Variants in TAFA1 observed in about 807,000 individuals in gnomAD.
TAFA1 encodes the protein chemokine-like protein TAFA-1.
In TAFA1, 4 loss-of-function variants were observed where a neutral mutation model predicts 18.5. That is an observed-to-expected ratio of 0.22 (90% CI 0.11 to 0.49). The LOEUF is 0.49. Ranked by LOEUF, TAFA1 falls within the 20% of genes least tolerant of loss-of-function variation. The pLI, the probability that TAFA1 is intolerant of heterozygous loss-of-function variation, is 0.98. For missense variants in TAFA1, 147 were observed against 169.0 expected (o/e 0.87, Z 0.72); for synonymous variants, 56 against 55.2 (o/e 1.01, Z -0.06).
At chr3:68,190,909 A>C (rs1384391922) in intron 2 of TAFA1, among the ~76,000 whole-genome samples, 1 of 151,866 alleles carries the variant, frequency 6.6e-6, no homozygotes, top group African/African-American at 2.4e-5. Flanking sequence ...ATCCATCCTG[A>C]GGCACAATTT....
At chr3:68,336,470 G>A (rs13340114) in intron 2 of TAFA1, among the ~76,000 whole-genome samples, 3,247 of 152,308 alleles carry the variant, frequency 0.021, 106 homozygotes, top group African/African-American at 0.067. Context: ...ATATCTATGT[G>A]AAATTTCCTC....
intron 2 of TAFA1, among the ~76,000 whole-genome samples, chr3:68,298,017 A>G (rs2068240503): frequency 6.6e-6 from 1 of 152,214 alleles, no homozygotes; most frequent in Non-Finnish European, 1.5e-5. Context: ...GAAGTAATAT[A>G]ACAGTGTTTC....
At chr3:68,383,916 A>G (rs262188) in intron 2 of TAFA1, among the ~76,000 whole-genome samples, 95,297 of 151,842 alleles carry the variant, frequency 0.63, 30,692 homozygotes, top group East Asian at 1. Context: ...GAGGATGTAT[A>G]TGTCCAGGAA....
At chr3:68,454,154 A>G (rs1399416056) in intron 3 of TAFA1, among the ~76,000 whole-genome samples, 1 of 152,218 alleles carries the variant, frequency 6.6e-6, no homozygotes, top group Non-Finnish European at 1.5e-5. Context: ...AGGAATTATA[A>G]AAGAATAGTG....
intron 3 of TAFA1, among the ~76,000 whole-genome samples, chr3:68,520,293 G>C (rs1053663725): frequency 1.4e-4 from 21 of 152,152 alleles, no homozygotes; most frequent in African/African-American, 4.8e-4. Flanking sequence ...ATAGATTTCA[G>C]CCTGCCACAG....
chr3:68,482,928 C>G (rs2072265410), intron 3 of TAFA1, among the ~76,000 whole-genome samples: 1 of 152,168 alleles, frequency 6.6e-6, no homozygotes, highest in Non-Finnish European at 1.5e-5. Flanking sequence ...TAAAGTTAGT[C>G]CTGTCCCTGG....
intron 2 of TAFA1, among the ~76,000 whole-genome samples, chr3:68,227,040 A>G (rs1262048603): frequency 6.6e-6 from 1 of 152,198 alleles, no homozygotes; most frequent in Non-Finnish European, 1.5e-5. Flanking sequence ...ATTTACTATT[A>G]TAAGGGAGCC....
intron 2 of TAFA1, among the ~76,000 whole-genome samples, chr3:68,347,865 A>AT (rs1476847111): frequency 6.6e-6 from 1 of 152,102 alleles, no homozygotes; most frequent in East Asian, 1.9e-4. Context: ...TCTCTGAGCC[A>AT]TTTTTCTCCT....
At chr3:68,146,184 G>A (rs1035132856) in intron 2 of TAFA1, among the ~76,000 whole-genome samples, 2 of 152,148 alleles carry the variant, frequency 1.3e-5, no homozygotes, top group African/African-American at 4.8e-5. Context: ...TGACTGCCTT[G>A]GAATCCTGTC....
chr3:68,278,791 G>A (rs565473650), intron 2 of TAFA1, among the ~76,000 whole-genome samples: 17 of 152,106 alleles, frequency 1.1e-4, no homozygotes, highest in South Asian at 8.3e-4. Context: ...CCATAGATTC[G>A]CATTCAGTAG....
intron 3 of TAFA1, among the ~76,000 whole-genome samples, chr3:68,473,316 C>T (rs562686623): frequency 9.9e-4 from 150 of 152,158 alleles, no homozygotes; most frequent in African/African-American, 2.9e-3. Flanking sequence ...TTGACCTAGA[C>T]GAAATGGGAA....
intron 2 of TAFA1, among the ~76,000 whole-genome samples, chr3:68,036,593 ACT>A (rs755558350): frequency 7.8e-4 from 119 of 152,112 alleles, no homozygotes; most frequent in Non-Finnish European, 1.4e-3. Context: ...GTTGAGGAAA[ACT>A]CTCTCTGAGC....
chr3:68,155,541 T>A (rs887687462), intron 2 of TAFA1, among the ~76,000 whole-genome samples: 3 of 152,180 alleles, frequency 2.0e-5, no homozygotes, highest in Non-Finnish European at 4.4e-5. Flanking sequence ...TAGTTCACAC[T>A]CTATTCCACT....
intron 2 of TAFA1, among the ~76,000 whole-genome samples, chr3:68,288,654 A>G (rs2068058431): frequency 6.6e-6 from 1 of 152,186 alleles, no homozygotes; most frequent in Admixed American, 6.5e-5. Context: ...TATCATACTT[A>G]AAATATTAAT....
At chr3:68,268,719 T>C (rs1415099248) in intron 2 of TAFA1, among the ~76,000 whole-genome samples, 2 of 152,154 alleles carry the variant, frequency 1.3e-5, no homozygotes, top group African/African-American at 4.8e-5. Flanking sequence ...ATTTCCACTC[T>C]GCTTGCCTTA....
chr3:68,486,347 C>T lies in TAFA1; in HGVS notation c.260-52409C>T, dbSNP rs933231331. ...TACAGGATTGTTTTTGCTTTGCTTGCTTATCTGGCCACTCCCTGTGGTCTG... is the reference window on the plus strand; with the variant it reads ...TACAGGATTGTTTTTGCTTTGCTTGTTTATCTGGCCACTCCCTGTGGTCTG... On this transcript the variant is annotated intron_variant, in intron 3 of 4. Transcript: ENST00000478136. Among the ~76,000 whole-genome samples, 4 of 152,150 alleles carry T rather than the reference C, an allele frequency of 2.6e-5. No individual in the cohort carries two copies. In the East Asian group the frequency reaches 5.8e-4, roughly 22 times the overall value.
intron 2 of TAFA1, among the ~76,000 whole-genome samples, chr3:68,386,406 G>C (rs1285286644): frequency 2.6e-5 from 4 of 151,712 alleles, no homozygotes; most frequent in African/African-American, 9.7e-5. Flanking sequence ...TTTTTTGTTT[G>C]TTTTTTTAGT....
At chr3:68,524,100 C>G (rs1410950933) in intron 3 of TAFA1, among the ~76,000 whole-genome samples, 1 of 152,078 alleles carries the variant, frequency 6.6e-6, no homozygotes, top group Non-Finnish European at 1.5e-5. Context: ...TGTGTGTTGC[C>G]TGGGTGGTTT....
intron 2 of TAFA1, among the ~76,000 whole-genome samples, chr3:68,337,372 G>T (rs1414179096): frequency 6.6e-6 from 1 of 151,978 alleles, no homozygotes. Flanking sequence ...GTCACGAGTA[G>T]AACAAGGGGG....
Sources: allele counts gnomAD v4.1 joint callset (sites outside exome capture counted in the v4.1 genomes callset), GRCh38; gene constraint gnomAD v4.1.1; transcripts MANE v1.5; gene names NCBI Gene and HGNC (gene_info 2026-07-23, HGNC 2026-07-21).